ACSM6: variants seen among roughly 807,000 people sequenced by gnomAD.
ACSM6 encodes acyl-coenzyme A synthetase ACSM6, mitochondrial.
A neutral mutation model predicts 51.1 loss-of-function variants in ACSM6; 35 were observed. That is an observed-to-expected ratio of 0.69 (90% confidence interval 0.52 to 0.91). The LOEUF (loss-of-function observed/expected upper bound fraction) is 0.91. Ranked by LOEUF, ACSM6 falls within the 40% of genes least tolerant of loss-of-function variation. The pLI, the probability that ACSM6 is intolerant of heterozygous loss-of-function variation, is 0.00. For synonymous variants in ACSM6, 172 were observed against 207.3 expected (o/e 0.83, Z 1.46); for missense variants, 509 against 584.1 (o/e 0.87, Z 1.32).
At chr10:95,203,169 T>C (rs1482438450) in intron 3 of ACSM6, among the ~76,000 whole-genome samples, 3 of 151,968 alleles carry the variant, frequency 2.0e-5, no homozygotes, top group East Asian at 1.9e-4. Context: ...GCAAATCCTA[T>C]TGTGAACTGT....
intron 7 of ACSM6, among the ~76,000 whole-genome samples, chr10:95,213,924 G>A (rs1386404574): frequency 6.6e-6 from 1 of 152,142 alleles, no homozygotes; most frequent in Non-Finnish European, 1.5e-5. Context: ...TAGTTCATTG[G>A]CATTTTGTGG....
At chr10:95,207,533 T>C (rs1417480111) in intron 4 of ACSM6, 118 bp downstream of exon 4, 9 of 1,063,408 alleles carry the variant, frequency 8.5e-6, no homozygotes, top group Non-Finnish European at 1.1e-5. Flanking sequence ...GCAATTTCTA[T>C]GCAAGATTAG....
intron 2 of ACSM6, among the ~76,000 whole-genome samples, chr10:95,200,413 G>A (rs192672507): frequency 6.6e-6 from 1 of 151,340 alleles, no homozygotes; most frequent in African/African-American, 2.4e-5. Context: ...CGAGTTAATG[G>A]GTGCCGCACA....
rs1450839035 is a variant in ACSM6 at position 95,212,051 on chromosome 10, G to A, written c.912+17G>A. 1.9e-6 allele frequency: 3 copies of A among 1,613,690 alleles called. No individual in the cohort carries two copies. The highest frequency in any genetic ancestry group is 1.7e-4 in the Middle Eastern group (1 of 6,036). On this transcript the variant is annotated intron_variant, in intron 6 of 10. Transcript: ENST00000341686. Reference sequence around the variant, plus strand: ...GTTCTAAATGTAAGATCAATTCCTAGTGTGGAATGTGTGGGACAAAGGCCA... The same window carrying A: ...GTTCTAAATGTAAGATCAATTCCTAATGTGGAATGTGTGGGACAAAGGCCA...
rs600929 is a variant in ACSM6 at position 95,202,681 on chromosome 10, C to A, written c.403+486C>A. Among the ~76,000 whole-genome samples the A allele has an allele frequency of 5.0e-4, 76 of 151,566 alleles. 1 individual carries two copies. The highest frequency in any genetic ancestry group is 1.8e-4 in the Non-Finnish European group (12 of 67,908). On this transcript the variant is annotated intron_variant, in intron 3 of 10. Transcript: ENST00000341686. ...GCTCACACCTGTAATTCCAACACTTCGGGAGGCCAAGGCAGGCAGATTGTC... is the reference window on the plus strand; with the variant it reads ...GCTCACACCTGTAATTCCAACACTTAGGGAGGCCAAGGCAGGCAGATTGTC...
intron 2 of ACSM6, among the ~76,000 whole-genome samples, chr10:95,200,812 G>A (rs1160985177): frequency 6.6e-6 from 1 of 151,556 alleles, no homozygotes; most frequent in Non-Finnish European, 1.5e-5. Context: ...AGAGATGGGG[G>A]AAAGAGATGA....
At chr10:95,200,347 T>G (rs1589490538) in intron 2 of ACSM6, among the ~76,000 whole-genome samples, 2 of 56,614 alleles carry the variant, frequency 3.5e-5, no homozygotes, top group South Asian at 7.4e-4. Context: ...GGGACTGTTG[T>G]GGGGTGGGGG....
chr10:95,204,655 G>A (rs775548064), intron 3 of ACSM6, among the ~76,000 whole-genome samples: 6 of 152,010 alleles, frequency 3.9e-5, no homozygotes, highest in East Asian at 3.8e-4. Context: ...GTTTGAAAAC[G>A]TTAAATGTCA....
At chr10:95,194,360 A>G in intron 1 of ACSM6, 57 bp downstream of exon 1, 1 of 866,238 alleles carries the variant, frequency 1.2e-6, no homozygotes. Context: ...GCTTGTACTC[A>G]TAAGGAAATT....
chr10:95,202,158 T>C (rs994791452), exon 3 of ACSM6: 17 of 1,552,078 alleles, frequency 1.1e-5, no homozygotes, highest in Admixed American at 3.9e-5. Flanking sequence ...CCCCAACACC[T>C]GAAGCCTACT....
In ACSM6 at chr10:95,213,642, T is replaced by C. The variant is rs542182896; in HGVS notation, c.995+702T>C. On this transcript the variant is annotated intron_variant, in intron 7 of 10. Coordinates refer to ENST00000341686, the Ensembl canonical transcript of ACSM6. ...GTACCTATCAAAGATAGTTGAATCT[T>C]TTCTAAGCTGCTGAAATGAGCATCA... Among the ~76,000 whole-genome samples the C allele has an allele frequency of 1.7e-4, 26 of 152,310 alleles. 1 individual carries two copies. The South Asian group carries it at 5.2e-3, about 30-fold the overall frequency.
intron 8 of ACSM6, among the ~76,000 whole-genome samples, chr10:95,216,399 G>A (rs2034944733): frequency 2.0e-5 from 3 of 152,128 alleles, no homozygotes; most frequent in Admixed American, 2.0e-4. Flanking sequence ...TGGAGATCAG[G>A]ATCAAGGAAG....
exon 11 of ACSM6, chr10:95,228,809 CTGGGGCTG>C: frequency 6.5e-7 from 1 of 1,545,106 alleles, no homozygotes; most frequent in Non-Finnish European, 8.7e-7. Flanking sequence ...GCTATTGAGC[CTGGGGCTG>C]TGGGAGTTTG....
intron 9 of ACSM6, among the ~76,000 whole-genome samples, chr10:95,223,433 T>A (rs637465): frequency 0.53 from 80,016 of 151,732 alleles, 21,996 homozygotes; most frequent in Middle Eastern, 0.66. Flanking sequence ...TGCCAAAAAA[T>A]CTCAACAAAA....
At chr10:95,198,518 G>C (rs2034758197) in intron 2 of ACSM6, among the ~76,000 whole-genome samples, 1 of 152,106 alleles carries the variant, frequency 6.6e-6, no homozygotes, top group Non-Finnish European at 1.5e-5. Context: ...TGGTGTGGCT[G>C]TGTGTGCCTG....
intron 1 of ACSM6, 43 bp from the exon 2 acceptor site, chr10:95,194,422 T>C: frequency 6.9e-7 from 1 of 1,439,558 alleles, no homozygotes; most frequent in Non-Finnish European, 9.5e-7. Context: ...ATTATCCCTC[T>C]GAGCTGCTCA....
At chr10:95,224,917 G>T (rs1260523712) in intron 9 of ACSM6, among the ~76,000 whole-genome samples, 1 of 152,142 alleles carries the variant, frequency 6.6e-6, no homozygotes, top group African/African-American at 2.4e-5. Context: ...TTAAAACTTT[G>T]TACTAACCAG....
intron 3 of ACSM6, among the ~76,000 whole-genome samples, chr10:95,204,722 A>G (rs928184094): frequency 2.6e-5 from 4 of 152,198 alleles, no homozygotes; most frequent in Non-Finnish European, 5.9e-5. Flanking sequence ...TTAAAAATTG[A>G]AATGTTAGAA....
chr10:95,222,225 A>C (rs899653368), intron 9 of ACSM6, among the ~76,000 whole-genome samples: 2 of 152,228 alleles, frequency 1.3e-5, no homozygotes, highest in African/African-American at 4.8e-5. Flanking sequence ...TTAACCAAAA[A>C]AATTAGGATA....
Sources: allele counts gnomAD v4.1 joint callset (sites outside exome capture counted in the v4.1 genomes callset), GRCh38; gene constraint gnomAD v4.1.1; transcripts MANE v1.5; gene names NCBI Gene and HGNC (gene_info 2026-07-23, HGNC 2026-07-21).